SLC26A7: variants seen among roughly 807,000 people sequenced by gnomAD.
SLC26A7 encodes the protein anion exchange transporter.
Under a neutral mutation model 82.5 loss-of-function variants are expected in SLC26A7, and 59 were observed. The ratio of observed to expected loss-of-function variants is 0.72; its 90% CI spans 0.58 to 0.89. The LOEUF (loss-of-function observed/expected upper bound fraction) is 0.89, where lower values mean the gene tolerates loss of function less well. SLC26A7 is among the 40% of genes least tolerant of loss of function. The pLI is 0.00. For synonymous variants in SLC26A7, 271 were observed against 274.3 expected, an observed-to-expected ratio of 0.99 and a Z score of 0.12; for missense variants, 820 against 793.0, an observed-to-expected ratio of 1.03 and a Z score of -0.41.
intron 2 of SLC26A7, among the ~76,000 whole-genome samples, chr8:91,257,637 A>G (rs1383572113): frequency 1.3e-5 from 2 of 152,044 alleles, no homozygotes; most frequent in Non-Finnish European, 2.9e-5. Flanking sequence ...AAAAAAAAAC[A>G]CATTTTTTCC....
intron 2 of SLC26A7, among the ~76,000 whole-genome samples, chr8:91,234,827 A>ACCTACCTACCTC (rs1386380375): frequency 1.1e-5 from 1 of 92,494 alleles, no homozygotes; most frequent in Non-Finnish European, 2.2e-5. Flanking sequence ...CTACCTACCT[A>ACCTACCTACCTC]CTTCCTTCCT....
intron 2 of SLC26A7, among the ~76,000 whole-genome samples, chr8:91,255,671 A>C (rs1433431172): frequency 6.6e-6 from 1 of 152,076 alleles, no homozygotes; most frequent in Non-Finnish European, 1.5e-5. Context: ...CCCATGACCC[A>C]ATCCCTCACT....
intron 9 of SLC26A7, chr8:91,343,985 C>T (rs1586433848): frequency 6.5e-6 from 6 of 918,968 alleles, no homozygotes; most frequent in Non-Finnish European, 7.8e-6. Flanking sequence ...TGTGATATAC[C>T]AGGCATTCTG....
rs188144103 is a variant in SLC26A7, at chr8:91,242,206, A to G, written c.-33-7413A>G. On this transcript the variant is annotated intron_variant, in intron 2 of 5. Coordinates refer to the SLC26A7 transcript ENST00000522862. ...TTCAATATCTTTTAATAGAAGTACT[A>G]TATTGAAAAGTTACATGACTGCTGA... Among the ~76,000 whole-genome samples the G allele has an allele frequency of 1.3e-3, 203 of 152,296 alleles. 1 individual carries two copies. The highest frequency in any genetic ancestry group is 4.8e-3 in the African/African-American group (199 of 41,578).
At chr8:91,375,079 A>G (rs1172870071) in intron 15 of SLC26A7, among the ~76,000 whole-genome samples, 1 of 150,088 alleles carries the variant, frequency 6.7e-6, no homozygotes, top group Non-Finnish European at 1.5e-5. Flanking sequence ...TATGTTTTTC[A>G]TTTGTGAGAT....
chr8:91,332,198 CCCTA>C (rs1813100865), intron 5 of SLC26A7, among the ~76,000 whole-genome samples: 1 of 143,064 alleles, frequency 7.0e-6, no homozygotes, highest in South Asian at 2.2e-4. Context: ...AAGTTAGAGA[CCCTA>C]CCTCTTTCTA....
chr8:91,319,783 A>G (rs1812739904), intron 5 of SLC26A7, among the ~76,000 whole-genome samples: 1 of 152,202 alleles, frequency 6.6e-6, no homozygotes, highest in East Asian at 1.9e-4. Context: ...TGTGCAGTTT[A>G]AGGAAATGAC....
At chr8:91,352,355 C>T (rs1350766808) in intron 10 of SLC26A7, among the ~76,000 whole-genome samples, 1 of 152,024 alleles carries the variant, frequency 6.6e-6, no homozygotes, top group Admixed American at 6.6e-5. Context: ...TAAAGGAATG[C>T]AAAACACTGG....
At chr8:91,269,348 G>A (rs1156310903) in intron 2 of SLC26A7, among the ~76,000 whole-genome samples, 1 of 151,904 alleles carries the variant, frequency 6.6e-6, no homozygotes, top group East Asian at 1.9e-4. Context: ...GGTTAACTTC[G>A]CTTAGTACAT....
At chr8:91,358,487 G>A (rs1466928277) in intron 11 of SLC26A7, among the ~76,000 whole-genome samples, 2 of 151,754 alleles carry the variant, frequency 1.3e-5, no homozygotes, top group African/African-American at 4.8e-5. Context: ...CCGCCACCAG[G>A]CCTGGCTAAT....
At chr8:91,365,823 G>T (rs1429415183) in intron 13 of SLC26A7, among the ~76,000 whole-genome samples, 2 of 152,106 alleles carry the variant, frequency 1.3e-5, no homozygotes, top group Non-Finnish European at 2.9e-5. Flanking sequence ...AAGCCTGAAA[G>T]AATATTGCTT....
At chr8:91,368,667 C>T (rs377227635) in intron 14 of SLC26A7, among the ~76,000 whole-genome samples, 4,402 of 152,216 alleles carry the variant, frequency 0.029, 61 homozygotes, top group Non-Finnish European at 0.035. Flanking sequence ...TCGTGATCCG[C>T]CCACCTCGGC....
chr8:91,340,994 T>G (rs1042255587), intron 8 of SLC26A7, among the ~76,000 whole-genome samples: 1 of 152,078 alleles, frequency 6.6e-6, no homozygotes, highest in African/African-American at 2.4e-5. Flanking sequence ...GTTTCTTTTT[T>G]TTTTTTTATA....
intron 4 of SLC26A7, among the ~76,000 whole-genome samples, chr8:91,306,863 C>T (rs185366352): frequency 4.7e-4 from 71 of 151,922 alleles, no homozygotes; most frequent in Non-Finnish European, 4.6e-4. Context: ...GGACTTGCCA[C>T]GCTAAAAATG....
chr8:91,227,018 G>T (rs1424113661), intron 2 of SLC26A7, among the ~76,000 whole-genome samples: 1 of 152,176 alleles, frequency 6.6e-6, no homozygotes, highest in Non-Finnish European at 1.5e-5. Flanking sequence ...TCTGCCCTGT[G>T]GGGTCAACTA....
chr8:91,368,946 C>T (rs1814277306), intron 14 of SLC26A7, among the ~76,000 whole-genome samples: 1 of 152,198 alleles, frequency 6.6e-6, no homozygotes, highest in Non-Finnish European at 1.5e-5. Flanking sequence ...AATACATACG[C>T]TGTAGCACTG....
At chr8:91,332,838 TTTA>T (rs1813133065) in intron 5 of SLC26A7, among the ~76,000 whole-genome samples, 1 of 152,122 alleles carries the variant, frequency 6.6e-6, no homozygotes, top group African/African-American at 2.4e-5. Flanking sequence ...TCTTATATAT[TTTA>T]TTATTAGTAA....
chr8:91,234,114 C>T (rs1810352592), intron 2 of SLC26A7, among the ~76,000 whole-genome samples: 2 of 152,278 alleles, frequency 1.3e-5, no homozygotes, highest in African/African-American at 4.8e-5. Context: ...TTCTTTTTCA[C>T]TAGTATAATC....
chr8:91,372,474 T>G (rs548593543), intron 15 of SLC26A7, among the ~76,000 whole-genome samples: 1 of 152,124 alleles, frequency 6.6e-6, no homozygotes, highest in East Asian at 1.9e-4. Flanking sequence ...CCCAGCACCA[T>G]TTTTGAATAA....
Sources: allele counts gnomAD v4.1 joint callset (sites outside exome capture counted in the v4.1 genomes callset), GRCh38; gene constraint gnomAD v4.1.1; transcripts MANE v1.5; gene names NCBI Gene and HGNC (gene_info 2026-07-23, HGNC 2026-07-21).